The following SCUBE2 variants were observed in gnomAD, a reference collection of about 807,000 sequenced individuals.
SCUBE2 encodes the protein signal peptide, CUB domain and EGF like domain containing 2, also known as signal peptide, CUB and EGF-like domain-containing protein 2.
SCUBE2 carries 114 observed loss-of-function variants against 125.9 expected under a neutral mutation model. The ratio of observed to expected loss-of-function variants is 0.91; its 90% CI spans 0.78 to 1.06. SCUBE2 has a LOEUF of 1.06. SCUBE2 is among the 50% of genes least tolerant of loss of function. The probability of loss-of-function intolerance (pLI) is 0.00; values close to 1 mark genes in which losing one functional copy is unlikely to be tolerated. For missense variants in SCUBE2, 1,255 were observed against 1,301.8 expected, an observed-to-expected ratio of 0.96 and a Z score of 0.55; for synonymous variants, 459 against 492.9, an observed-to-expected ratio of 0.93 and a Z score of 0.91.
At chr11:9,079,538 C>T (rs1861468210) in intron 2 of SCUBE2, 29 bp from the exon 3 acceptor site, 1 of 1,608,772 alleles carries the variant, frequency 6.2e-7, no homozygotes, top group South Asian at 1.1e-5. Flanking sequence ...GTAAACCAGA[C>T]AGGTGCTATT....
chr11:9,034,854 G>A (rs906226360), intron 16 of SCUBE2, among the ~76,000 whole-genome samples: 3 of 152,100 alleles, frequency 2.0e-5, no homozygotes, highest in Non-Finnish European at 4.4e-5. Flanking sequence ...AAATTAGCTG[G>A]GTGTGGTGGT....
At chr11:9,061,410 T>C (rs1471795075) in intron 7 of SCUBE2, among the ~76,000 whole-genome samples, 1 of 151,690 alleles carries the variant, frequency 6.6e-6, no homozygotes, top group Non-Finnish European at 1.5e-5. Context: ...TTTTAAAAAA[T>C]TAGCGAGGCC....
intron 2 of SCUBE2, among the ~76,000 whole-genome samples, chr11:9,083,643 C>T (rs1212383806): frequency 6.6e-6 from 1 of 151,934 alleles, no homozygotes; most frequent in African/African-American, 2.4e-5. Context: ...CAACCTCCGC[C>T]CCCCAGGTTC....
intron 20 of SCUBE2, chr11:9,026,389 C>T (rs72856040): frequency 0.12 from 17,894 of 154,136 alleles, 1,156 homozygotes; most frequent in South Asian, 0.23. Flanking sequence ...GAAGAGCAAA[C>T]GTTTATATAG....
chr11:9,062,732 T>A (rs1484103950), intron 7 of SCUBE2, among the ~76,000 whole-genome samples: 1 of 145,988 alleles, frequency 6.8e-6, no homozygotes, highest in Admixed American at 6.9e-5. Context: ...AATTAAAACA[T>A]GAAAACGAAA....
At chr11:9,047,590 G>A (rs1302581199) in intron 15 of SCUBE2, 28 bp from the exon 16 acceptor site, 14 of 1,604,962 alleles carry the variant, frequency 8.7e-6, no homozygotes, top group Middle Eastern at 1.7e-4. Context: ...ACAGCAGTGC[G>A]GGAGGAGATC....
At chr11:9,047,213 G>C in intron 16 of SCUBE2, 143 bp downstream of exon 16, 1 of 806,922 alleles carries the variant, frequency 1.2e-6, no homozygotes, top group South Asian at 1.7e-5. Context: ...AAACGCAACA[G>C]TTACTGAAAC....
chr11:9,079,306 C>T, intron 3 of SCUBE2, 78 bp downstream of exon 3: 1 of 1,565,148 alleles, frequency 6.4e-7, no homozygotes, highest in Non-Finnish European at 8.7e-7. Context: ...TTTTTGTCTT[C>T]ATGAGGAGGT....
intron 2 of SCUBE2, among the ~76,000 whole-genome samples, chr11:9,085,739 T>A (rs1265989202): frequency 6.6e-6 from 1 of 151,640 alleles, no homozygotes; most frequent in East Asian, 1.9e-4. Context: ...AATAAAAAAA[T>A]TAAAAAAGAA....
At chr11:9,031,628 TAA>T (rs199504434) in intron 17 of SCUBE2, among the ~76,000 whole-genome samples, 9 of 140,884 alleles carry the variant, frequency 6.4e-5, no homozygotes, top group African/African-American at 1.1e-4. Context: ...ACCTTGTCTC[TAA>T]AAAAAAAAAA....
At chr11:9,031,035 G>T in intron 17 of SCUBE2, 110 bp from the exon 18 acceptor site, 1 of 974,252 alleles carries the variant, frequency 1.0e-6, no homozygotes, top group Non-Finnish European at 1.5e-6. Context: ...GCTGACCGCA[G>T]TTCCCACCTC....
intron 7 of SCUBE2, among the ~76,000 whole-genome samples, chr11:9,063,660 G>A (rs145521714): frequency 4.1e-4 from 62 of 152,242 alleles, no homozygotes; most frequent in African/African-American, 1.3e-3. Context: ...CTCATTCGCC[G>A]GATAAACTAA....
intron 9 of SCUBE2, 106 bp from the exon 10 acceptor site, chr11:9,056,015 C>T: frequency 1.2e-6 from 1 of 827,090 alleles, no homozygotes; most frequent in Non-Finnish European, 2.1e-6. Context: ...AAACAATACA[C>T]ACAGAGTAAA....
rs1325396172 is a variant in SCUBE2, at chr11:9,047,934, C to T, written c.1795+9G>A. ...GAAGCCTGGCAATGCAGACTGTTTT[C>T]AAACCAACCTGTCACCTCCTTTTGG... On this transcript the variant is annotated intron_variant, in intron 15 of 22. Coordinates refer to ENST00000649792, the MANE Select transcript of SCUBE2 (RefSeq NM_001367977.2). The T allele has an allele frequency of 1.2e-6, 2 of 1,604,516 alleles. No individual in the cohort carries two copies. The highest frequency in any genetic ancestry group is 2.2e-5 in the South Asian group (2 of 90,124).
At chr11:9,068,865 C>T (rs193116565) in intron 5 of SCUBE2, among the ~76,000 whole-genome samples, 1 of 152,342 alleles carries the variant, frequency 6.6e-6, no homozygotes, top group African/African-American at 2.4e-5. Flanking sequence ...AGCTATTATG[C>T]TTATCCTTAT....
At chr11:9,028,528 C>G (rs1855990807) in intron 19 of SCUBE2, among the ~76,000 whole-genome samples, 1 of 152,208 alleles carries the variant, frequency 6.6e-6, no homozygotes, top group South Asian at 2.1e-4. Flanking sequence ...GCTCTGAGAG[C>G]TCAGAAATGA....
At chr11:9,050,795 G>A in intron 13 of SCUBE2, 85 bp from the exon 14 acceptor site, 1 of 1,063,968 alleles carries the variant, frequency 9.4e-7, no homozygotes, top group South Asian at 1.3e-5. Flanking sequence ...CTGTCCATTG[G>A]TGGCTTCCAC....
chr11:9,046,626 C>A (rs1441760271), intron 16 of SCUBE2, among the ~76,000 whole-genome samples: 3 of 152,202 alleles, frequency 2.0e-5, no homozygotes, highest in Non-Finnish European at 2.9e-5. Context: ...ACAGCCAACT[C>A]TCCCCACTAT....
intron 16 of SCUBE2, among the ~76,000 whole-genome samples, chr11:9,045,720 T>C (rs79274828): frequency 0.098 from 14,879 of 151,794 alleles, 1,176 homozygotes; most frequent in African/African-American, 0.22. Flanking sequence ...ACCTGACACT[T>C]CTTTACACCC....
Sources: gnomAD v4.1 joint callset for allele counts (sites outside exome capture counted in the v4.1 genomes callset) on GRCh38, gnomAD v4.1.1 for gene constraint, MANE v1.5 for transcripts, NCBI Gene and HGNC (gene_info 2026-07-23, HGNC 2026-07-21) for gene names.